Variants in CACNB4 observed in about 807,000 individuals in gnomAD.
The protein encoded by CACNB4 is voltage-dependent L-type calcium channel subunit beta-4.
CACNB4 carries 32 observed loss-of-function variants against 71.2 expected under a neutral mutation model. The ratio of observed to expected loss-of-function variants is 0.45; its 90% CI spans 0.34 to 0.60. The LOEUF (loss-of-function observed/expected upper bound fraction) is 0.60, where lower values mean the gene tolerates loss of function less well. Ranked by LOEUF, CACNB4 falls within the 20% of genes least tolerant of loss-of-function variation. The pLI is 0.01. For missense variants in CACNB4, 464 were observed against 647.9 expected (o/e 0.72, Z 3.08); for synonymous variants, 231 against 236.9 (o/e 0.97, Z 0.23).
At chr2:152,007,920 T>G (rs190012884) in intron 2 of CACNB4, among the ~76,000 whole-genome samples, 56 of 152,126 alleles carry the variant, frequency 3.7e-4, no homozygotes, top group Non-Finnish European at 6.8e-4. Context: ...TACAGGCACC[T>G]GCCACCATGC....
intron 2 of CACNB4, among the ~76,000 whole-genome samples, chr2:151,926,572 G>GA (rs146580444): frequency 0.085 from 12,944 of 151,864 alleles, 1,428 homozygotes; most frequent in East Asian, 0.55. Flanking sequence ...GATTTTGATG[G>GA]AAAAAAAATT....
chr2:151,882,944 G>A (rs1288454316), intron 3 of CACNB4: 3 of 389,098 alleles, frequency 7.7e-6, no homozygotes, highest in African/African-American at 6.2e-5. Context: ...GAATAGGCAG[G>A]GCCAGCTGGT....
At chr2:151,941,636 C>G (rs141117186) in intron 2 of CACNB4, among the ~76,000 whole-genome samples, 1 of 152,212 alleles carries the variant, frequency 6.6e-6, no homozygotes, top group Non-Finnish European at 1.5e-5. Context: ...CTAGCATCTC[C>G]CCTCAAGAAT....
Position 151,853,493 on chromosome 2 carries a change from C to T in CACNB4, c.1071G>A (p.Leu357=). The change falls in exon 12 of 14, where the codon TTG becomes TTA. Residue 357 remains leucine (L), a synonymous_variant. Coordinates refer to ENST00000539935, the MANE Select transcript of CACNB4 (RefSeq NM_000726.5). ...TATCAGCTGCCACCAGTTGAACATT[C>T]AAGTGTTTACTTTGTGACTTTCCTC... is the stretch of plus-strand genomic sequence containing the variant. ...KSRGKSQSKH[L]NVQLVAADKL... is the part of the protein sequence containing the mutation. The T allele has an allele frequency of 1.9e-6, 3 of 1,600,138 alleles. No individual in the cohort carries two copies. Among genetic ancestry groups the T allele is most frequent in the Non-Finnish European group, 2.6e-6 (3 of 1,174,062 alleles).
chr2:152,063,144 A>T (rs1356318870), intron 2 of CACNB4, among the ~76,000 whole-genome samples: 1 of 152,210 alleles, frequency 6.6e-6, no homozygotes, highest in Non-Finnish European at 1.5e-5. Context: ...TATATTGGTA[A>T]TCAGTTAACT....
rs909682472 is a variant in CACNB4 at position 151,934,864 on chromosome 2, T to C, written c.148-51494A>G. ...AAAAAGAAAAAATCCTTATTTACCA[T>C]TTCTATGATCCACATTCCATACAGA... is the stretch of plus-strand genomic sequence containing the variant. On this transcript the variant is annotated intron_variant, in intron 2 of 13. Transcript: ENST00000539935. Among the ~76,000 whole-genome samples the C allele has an allele frequency of 4.6e-5, 7 of 152,228 alleles. No individual in the cohort carries two copies. In the East Asian group the frequency reaches 5.8e-4, roughly 13 times the overall value.
chr2:152,079,820 T>C (rs1359436985), intron 2 of CACNB4, among the ~76,000 whole-genome samples: 5 of 152,112 alleles, frequency 3.3e-5, no homozygotes, highest in Non-Finnish European at 5.9e-5. Context: ...AATCTCCCCC[T>C]GAATTACATC....
In CACNB4 at chr2:151,876,451, G is replaced by C; in HGVS notation, c.496C>G (p.Gln166Glu). ...RLENIRIQQE[Q>E]KRGRFHGGKS... is the part of the protein sequence containing the mutation. ...CCTCCGTGAAAACGTCCTCTTTTTT[G>C]TTCTTGCTGGATCCGTATGTTCTCC... is the stretch of plus-strand genomic sequence containing the variant. Residue 166 changes from glutamine (Q) to glutamate (E), a missense_variant, in exon 5 of 14, where the codon CAA becomes GAA. By Grantham distance (29) the Gln-to-Glu change is conservative. Coordinates refer to ENST00000539935, the MANE Select transcript of CACNB4 (RefSeq NM_000726.5). The C allele has an allele frequency of 6.3e-7, 1 of 1,599,026 alleles. No homozygotes were observed. Among genetic ancestry groups the C allele is most frequent in the Non-Finnish European group, 8.5e-7 (1 of 1,170,652 alleles).
chr2:151,852,755 G>T (rs919359342), intron 12 of CACNB4: 1 of 152,194 alleles, frequency 6.6e-6, no homozygotes. Context: ...AAACAATCTA[G>T]TGAATCCATT....
chr2:152,084,581 A>C (rs1363944193), intron 2 of CACNB4, among the ~76,000 whole-genome samples: 1 of 152,276 alleles, frequency 6.6e-6, no homozygotes, highest in East Asian at 1.9e-4. Context: ...ATGTGGATAC[A>C]TGACAACTTC....
chr2:152,052,778 G>A (rs1357711742), intron 2 of CACNB4, among the ~76,000 whole-genome samples: 1 of 152,050 alleles, frequency 6.6e-6, no homozygotes, highest in Non-Finnish European at 1.5e-5. Flanking sequence ...TGGAATTCAA[G>A]ACTACCCTGG....
chr2:151,950,083 CTTCT>C (rs2099866551), intron 2 of CACNB4, among the ~76,000 whole-genome samples: 1 of 151,644 alleles, frequency 6.6e-6, no homozygotes, highest in Non-Finnish European at 1.5e-5. Flanking sequence ...AGAAAATAGT[CTTCT>C]GAGAGGAAAC....
intron 2 of CACNB4, among the ~76,000 whole-genome samples, chr2:151,905,591 G>A (rs2099854592): frequency 6.6e-6 from 1 of 152,146 alleles, no homozygotes; most frequent in East Asian, 1.9e-4. Flanking sequence ...TATAAAGTAG[G>A]GATCAGGTTC....
At chr2:152,023,806 AAAC>A (rs1470696701) in intron 2 of CACNB4, among the ~76,000 whole-genome samples, 2 of 152,252 alleles carry the variant, frequency 1.3e-5, no homozygotes, top group African/African-American at 2.4e-5. Flanking sequence ...CAATGTGTGA[AAAC>A]AACAACTTAG....
At chr2:151,871,264 C>G (rs2099844554) in intron 6 of CACNB4, 1 of 176,954 alleles carries the variant, frequency 5.7e-6, no homozygotes, top group African/African-American at 2.4e-5. Context: ...GCAAAAATGA[C>G]TATCACCTCA....
At chr2:151,861,374 A>AT (rs1578502004) in intron 9 of CACNB4, 1 of 152,362 alleles carries the variant, frequency 6.6e-6, no homozygotes, top group Non-Finnish European at 1.5e-5. Flanking sequence ...TACTTCATTT[A>AT]TAAGAATGTG....
At position 151,833,833 on chromosome 2, in the gene CACNB4, T is replaced by C. The variant is rs2099834310; in HGVS notation, c.*5286A>G. ...AAATATATATTTTATAATTTTGTAC[T>C]GTACAATATGTTTTTGCTACATTAT... is the stretch of plus-strand genomic sequence containing the variant. On this transcript the variant is annotated 3_prime_UTR_variant, in exon 14 of 14. Transcript: ENST00000539935. 1.3e-5 allele frequency: 2 copies of C among 152,136 alleles called. No individual in the cohort carries two copies. Among genetic ancestry groups the C allele is most frequent in the Non-Finnish European group, 2.9e-5 (2 of 67,946 alleles). The allele number at this position is 152,136 out of a possible 1,614,324, so 9.4% of individuals were successfully genotyped here.
chr2:151,982,229 A>T (rs773772108), intron 2 of CACNB4, among the ~76,000 whole-genome samples: 3 of 152,126 alleles, frequency 2.0e-5, no homozygotes, highest in Non-Finnish European at 4.4e-5. Context: ...AGGTTCTTCA[A>T]CTAGAAATTA....
chr2:151,927,594 G>A (rs569892301), intron 2 of CACNB4, among the ~76,000 whole-genome samples: 26 of 152,320 alleles, frequency 1.7e-4, no homozygotes, highest in African/African-American at 4.8e-4. Flanking sequence ...GTAGCACAGT[G>A]AATGGACTGG....
Sources: allele counts gnomAD v4.1 joint callset (sites outside exome capture counted in the v4.1 genomes callset), GRCh38; gene constraint gnomAD v4.1.1; transcripts MANE v1.5; gene names NCBI Gene and HGNC (gene_info 2026-07-23, HGNC 2026-07-21).